The following CNBD1 variants were observed in gnomAD, a reference collection of about 807,000 sequenced individuals.
CNBD1 encodes cyclic nucleotide binding domain containing 1.
A neutral mutation model predicts 54.4 loss-of-function variants in CNBD1; 71 were observed. The ratio of observed to expected loss-of-function variants is 1.30; its 90% confidence interval spans 1.08 to 1.59. The LOEUF is 1.59. Among genes scored for constraint, CNBD1 ranks in the 40% most tolerant of loss-of-function variants. The pLI is 0.00. For synonymous variants in CNBD1, 182 were observed against 170.7 expected (o/e 1.07, Z -0.51); for missense variants, 659 against 518.0 (o/e 1.27, Z -2.64).
intron 4 of CNBD1, among the ~76,000 whole-genome samples, chr8:87,030,816 A>C (rs1809765158): frequency 6.8e-6 from 1 of 147,146 alleles, no homozygotes; most frequent in African/African-American, 2.5e-5. Flanking sequence ...GATGACAGCC[A>C]TGTCTCCTCC....
At chr8:86,993,819 T>C (rs546550811) in intron 4 of CNBD1, among the ~76,000 whole-genome samples, 144 of 152,342 alleles carry the variant, frequency 9.5e-4, no homozygotes, top group Admixed American at 2.2e-3. Flanking sequence ...CATGGCTCTT[T>C]TATATTTCCT....
chr8:87,190,916 T>TATATCTAAATAGATATAGATACATGTAC (rs1813596005), intron 4 of CNBD1, among the ~76,000 whole-genome samples: 1 of 67,822 alleles, frequency 1.5e-5, no homozygotes, highest in African/African-American at 5.4e-5. Flanking sequence ...GGTACATGTA[T>TATATCTAAATAGATATAGATACATGTAC]CTATATCTAT....
intron 4 of CNBD1, among the ~76,000 whole-genome samples, chr8:87,033,218 G>A (rs1016214986): frequency 6.6e-6 from 1 of 152,136 alleles, no homozygotes; most frequent in Non-Finnish European, 1.5e-5. Context: ...TTCTTACGCA[G>A]AGTACCATGT....
At chr8:87,243,354 A>C (rs1807742130) in intron 6 of CNBD1, among the ~76,000 whole-genome samples, 1 of 152,244 alleles carries the variant, frequency 6.6e-6, no homozygotes, top group Admixed American at 6.5e-5. Context: ...TAAGTTCTGC[A>C]TCAAGTGACT....
intron 2 of CNBD1, among the ~76,000 whole-genome samples, chr8:87,421,615 T>C (rs1244180403): frequency 6.6e-6 from 1 of 152,104 alleles, no homozygotes; most frequent in African/African-American, 2.4e-5. Context: ...TCATCATTTT[T>C]ATGGCTGCAT....
intron 3 of CNBD1, among the ~76,000 whole-genome samples, chr8:86,906,061 T>C (rs1809012518): frequency 6.6e-6 from 1 of 152,238 alleles, no homozygotes; most frequent in African/African-American, 2.4e-5. Flanking sequence ...ATTTCTGACA[T>C]TTAGCAGAGG....
intron 4 of CNBD1, among the ~76,000 whole-genome samples, chr8:87,195,221 A>G (rs1813692319): frequency 1.4e-5 from 2 of 139,676 alleles, no homozygotes; most frequent in African/African-American, 5.4e-5. Context: ...CTTTGAGAAA[A>G]TTGATTTTTT....
At chr8:87,011,720 A>G (rs1439624699) in intron 4 of CNBD1, among the ~76,000 whole-genome samples, 3 of 152,156 alleles carry the variant, frequency 2.0e-5, no homozygotes, top group Non-Finnish European at 4.4e-5. Context: ...TTTCTACTTT[A>G]GGAGTTTTAA....
intron 8 of CNBD1, among the ~76,000 whole-genome samples, chr8:87,292,756 C>A (rs1210453546): frequency 6.6e-6 from 1 of 152,126 alleles, no homozygotes. Context: ...ATATATTTCT[C>A]TGCAGTATCT....
intron 8 of CNBD1, among the ~76,000 whole-genome samples, chr8:87,340,683 T>A (rs1202506995): frequency 6.6e-6 from 1 of 152,140 alleles, no homozygotes; most frequent in African/African-American, 2.4e-5. Context: ...GTTCACTGAT[T>A]AATTTGCTTT....
chr8:86,964,499 G>A (rs1306873744), intron 4 of CNBD1, among the ~76,000 whole-genome samples: 1 of 152,236 alleles, frequency 6.6e-6, no homozygotes, highest in Non-Finnish European at 1.5e-5. Flanking sequence ...ATCCTTCCAT[G>A]AGAGTTCAAA....
intron 10 of CNBD1, among the ~76,000 whole-genome samples, chr8:87,370,369 C>T (rs1810752741): frequency 6.6e-6 from 1 of 152,110 alleles, no homozygotes; most frequent in Non-Finnish European, 1.5e-5. Flanking sequence ...TCCTATTTCT[C>T]CACTACTCTC....
intron 6 of CNBD1, among the ~76,000 whole-genome samples, chr8:87,253,225 A>C (rs947954480): frequency 2.6e-5 from 4 of 152,078 alleles, no homozygotes; most frequent in Non-Finnish European, 5.9e-5. Context: ...CTTTACCCCA[A>C]GACTGGCCCG....
intron 4 of CNBD1, among the ~76,000 whole-genome samples, chr8:87,110,696 AATGGACTTATTTG>A (rs1476805510): frequency 6.6e-6 from 1 of 152,244 alleles, no homozygotes; most frequent in Non-Finnish European, 1.5e-5. Flanking sequence ...TCATCAACAT[AATGGACTTATTTG>A]ATGTTCTTTG....
At chr8:87,319,068 A>C (rs984120421) in intron 8 of CNBD1, among the ~76,000 whole-genome samples, 1 of 152,134 alleles carries the variant, frequency 6.6e-6, no homozygotes, top group Non-Finnish European at 1.5e-5. Context: ...TGTGTGTTTA[A>C]TGCAATACTA....
intron 1 of CNBD1, among the ~76,000 whole-genome samples, chr8:86,867,903 A>T (rs1808387226): frequency 6.6e-6 from 1 of 152,204 alleles, no homozygotes; most frequent in Non-Finnish European, 1.5e-5. Flanking sequence ...GCAGCAATTT[A>T]GATCTCAGAA....
chr8:87,164,207 T>C (rs1298184245), intron 4 of CNBD1, among the ~76,000 whole-genome samples: 1 of 151,940 alleles, frequency 6.6e-6, no homozygotes, highest in African/African-American at 2.4e-5. Flanking sequence ...TGATATTTCA[T>C]TGAGTTTTTT....
intron 3 of CNBD1, among the ~76,000 whole-genome samples, chr8:86,937,282 ACCTCCCACTGGGTC>A (rs1219634851): frequency 6.6e-6 from 1 of 152,118 alleles, no homozygotes; most frequent in Admixed American, 6.6e-5. Flanking sequence ...TGATTCAGAT[ACCTCCCACTGGGTC>A]CCTCCCACAA....
chr8:87,330,156 T>A (rs1586019526), intron 8 of CNBD1, among the ~76,000 whole-genome samples: 1 of 151,932 alleles, frequency 6.6e-6, no homozygotes, highest in Admixed American at 6.6e-5. Flanking sequence ...CATTATTTAT[T>A]TTTTTAATGT....
Sources: gnomAD v4.1 joint callset for allele counts (sites outside exome capture counted in the v4.1 genomes callset) on GRCh38, gnomAD v4.1.1 for gene constraint, MANE v1.5 for transcripts, NCBI Gene and HGNC (gene_info 2026-07-23, HGNC 2026-07-21) for gene names.